Variants in DIAPH2 observed in about 807,000 individuals in gnomAD.
DIAPH2 encodes diaphanous related formin 2.
A neutral mutation model predicts 92.7 loss-of-function variants in DIAPH2; 35 were observed. The observed-to-expected ratio is 0.38, with a 90% CI of 0.29 to 0.50. The LOEUF is 0.50. DIAPH2 is among the 20% of genes least tolerant of loss of function. The probability of loss-of-function intolerance (pLI) is 0.94; values close to 1 mark genes in which losing one functional copy is unlikely to be tolerated. For missense variants in DIAPH2, 701 were observed against 819.5 expected (o/e 0.86, Z 1.77); for synonymous variants, 301 against 280.4 (o/e 1.07, Z -0.73).
At chrX:97,118,593 C>T (rs1187577313) in intron 21 of DIAPH2, among the ~76,000 whole-genome samples, 2 of 111,651 alleles carry the variant, frequency 1.8e-5, no homozygotes, top group African/African-American at 6.5e-5. Flanking sequence ...ACACAGAAAC[C>T]TCAAGAAGCT....
At chrX:97,083,125 T>C (rs1304213767) in intron 19 of DIAPH2, among the ~76,000 whole-genome samples, 1 of 112,249 alleles carries the variant, frequency 8.9e-6, no homozygotes, top group Non-Finnish European at 1.9e-5. Flanking sequence ...GATATCCTCC[T>C]ATGTAAAATA....
chrX:97,171,687 T>A, intron 22 of DIAPH2, among the ~76,000 whole-genome samples: 1 of 112,056 alleles, frequency 8.9e-6, no homozygotes, highest in Non-Finnish European at 1.9e-5. Flanking sequence ...ACACCTGTAA[T>A]CCCAGCACTT....
intron 23 of DIAPH2, among the ~76,000 whole-genome samples, chrX:97,308,908 A>G (rs1003749336): frequency 1.0e-3 from 106 of 102,827 alleles, no homozygotes; most frequent in Non-Finnish European, 1.8e-3. Context: ...AACCCCAGCT[A>G]CTTGGGAGGC....
At chrX:96,910,869 A>AAT (rs774318380) in intron 5 of DIAPH2, among the ~76,000 whole-genome samples, 10 of 111,380 alleles carry the variant, frequency 9.0e-5, no homozygotes, top group Non-Finnish European at 1.3e-4. Context: ...GTAAGAGATA[A>AAT]ATATTACATG....
At chrX:97,092,447 C>G (rs1047624218) in intron 19 of DIAPH2, among the ~76,000 whole-genome samples, 6 of 112,249 alleles carry the variant, frequency 5.3e-5, no homozygotes, top group African/African-American at 1.9e-4. Flanking sequence ...CTGCAGATGA[C>G]AAGCGTTGTT....
chrX:96,939,568 GTGTGTGTGTGTGTATA>G (rs1370235047), intron 12 of DIAPH2, among the ~76,000 whole-genome samples, 186 bp downstream of exon 12: 5 of 56,685 alleles, frequency 8.8e-5, no homozygotes, highest in African/African-American at 1.8e-4. Context: ...ATATATATAT[GTGTGTGTGTGTGTATA>G]TGTGTGTGTG....
intron 17 of DIAPH2, among the ~76,000 whole-genome samples, chrX:97,024,384 C>A (rs1027203441): frequency 8.9e-6 from 1 of 112,059 alleles, no homozygotes; most frequent in Non-Finnish European, 1.9e-5. Flanking sequence ...GTATTCATAT[C>A]TACACATATT....
In DIAPH2 at chrX:97,444,414, C is replaced by A. The variant is rs186946372; in HGVS notation, c.3241+14669C>A. 4.7e-3 allele frequency among the ~76,000 whole-genome samples: 519 copies of A among 111,016 alleles called. 5 individuals are homozygous for A. Among genetic ancestry groups the A allele is most frequent in the African/African-American group, 0.016 (495 of 30,622 alleles). On this transcript the variant is annotated intron_variant, in intron 26 of 26. Coordinates refer to ENST00000324765, the MANE Select transcript of DIAPH2 (RefSeq NM_006729.5). ...ACAAGGGTATGATTTTCATATAGTT[C>A]TTTGGAAAGTTAATGCTATTGTGCA...
intron 24 of DIAPH2, among the ~76,000 whole-genome samples, chrX:97,373,659 G>A (rs775308926): frequency 6.2e-5 from 6 of 97,468 alleles, no homozygotes; most frequent in African/African-American, 1.1e-4. Context: ...CCAGGCTGGA[G>A]TGCAATGGCG....
intron 2 of DIAPH2, among the ~76,000 whole-genome samples, chrX:96,737,053 GAAAA>G (rs1398924929): frequency 8.9e-6 from 1 of 111,983 alleles, no homozygotes; most frequent in African/African-American, 3.2e-5. Context: ...AAGAAAATGT[GAAAA>G]TATAGTTCAA....
chrX:96,837,148 T>C (rs1320896756), intron 4 of DIAPH2, among the ~76,000 whole-genome samples: 1 of 111,350 alleles, frequency 9.0e-6, no homozygotes, highest in African/African-American at 3.3e-5. Context: ...TGGAAAGATA[T>C]ACACTGGTGT....
At chrX:96,796,013 G>T (rs935526567) in intron 4 of DIAPH2, among the ~76,000 whole-genome samples, 17 of 111,628 alleles carry the variant, frequency 1.5e-4, no homozygotes, top group Admixed American at 8.5e-4. Context: ...TGTGGATATG[G>T]AGGGCTGACC....
At chrX:97,148,445 A>G (rs957719879) in intron 22 of DIAPH2, among the ~76,000 whole-genome samples, 4 of 111,835 alleles carry the variant, frequency 3.6e-5, no homozygotes, top group Non-Finnish European at 7.5e-5. Flanking sequence ...CTTTAGCGTT[A>G]TTGGTAATAG....
At chrX:97,228,301 A>T (rs1490308317) in intron 22 of DIAPH2, among the ~76,000 whole-genome samples, 1 of 111,707 alleles carries the variant, frequency 9.0e-6, no homozygotes, top group Non-Finnish European at 1.9e-5. Flanking sequence ...AGTTTTCCTA[A>T]TACTTAAACT....
intron 24 of DIAPH2, among the ~76,000 whole-genome samples, chrX:97,359,344 T>G (rs2069299606): frequency 9.0e-6 from 1 of 110,941 alleles, no homozygotes; most frequent in Non-Finnish European, 1.9e-5. Flanking sequence ...CATTGCAAAT[T>G]GTTAATAATA....
chrX:97,098,211 A>T (rs2066881896), intron 19 of DIAPH2, among the ~76,000 whole-genome samples: 1 of 111,896 alleles, frequency 8.9e-6, no homozygotes, highest in African/African-American at 3.2e-5. Flanking sequence ...AATAGGTAAC[A>T]TAAAACTAAC....
rs781467769 is a variant in DIAPH2 at position 97,599,388 on chromosome X, T to G, written c.*71T>G. ...GATGCATTTTGAGAAGAACAAAGTG[T>G]GCACTCAGCGGCTGGAAAGGAAATA... On this transcript the variant is annotated 3_prime_UTR_variant, in exon 27 of 27. Transcript: ENST00000324765. 2.4e-4 allele frequency: 181 copies of G among 746,048 alleles called. 1 individual carries two copies. In the African/African-American group the frequency reaches 3.8e-3, roughly 16 times the overall value. The allele number at this position is 746,048 out of a possible 1,213,427, so 61.5% of individuals were successfully genotyped here. A position where few individuals can be genotyped will look rare whatever the true frequency, so the allele number is the denominator to read the frequency against.
At chrX:96,911,701 T>G (rs1462035052) in intron 5 of DIAPH2, among the ~76,000 whole-genome samples, 1 of 111,693 alleles carries the variant, frequency 9.0e-6, no homozygotes, top group African/African-American at 3.3e-5. Context: ...TTCCAAGGTT[T>G]ATTTTTCTTC....
chrX:97,544,882 AT>A (rs1279092679), intron 26 of DIAPH2, among the ~76,000 whole-genome samples: 1 of 111,564 alleles, frequency 9.0e-6, no homozygotes, highest in African/African-American at 3.3e-5. Context: ...TGAAAAAATA[AT>A]TTTACAATTT....
Sources: gnomAD v4.1 joint callset for allele counts (sites outside exome capture counted in the v4.1 genomes callset) on GRCh38, gnomAD v4.1.1 for gene constraint, MANE v1.5 for transcripts, NCBI Gene and HGNC (gene_info 2026-07-23, HGNC 2026-07-21) for gene names.